Variants in FAM89B observed in about 807,000 individuals in gnomAD.
FAM89B encodes family with sequence similarity 89 member B, also known as leucine repeat adapter protein 25.
A neutral mutation model predicts 13.4 loss-of-function variants in FAM89B; 9 were observed. That is an observed-to-expected ratio of 0.67 (90% CI 0.40 to 1.17). The LOEUF (loss-of-function observed/expected upper bound fraction) is 1.17, where lower values mean the gene tolerates loss of function less well. Among genes scored for constraint, FAM89B ranks in the 50% most tolerant of loss-of-function variants. FAM89B has a pLI of 0.01. For synonymous variants in FAM89B, 138 were observed against 121.2 expected, an observed-to-expected ratio of 1.14 and a Z score of -0.91; for missense variants, 256 against 256.1, an observed-to-expected ratio of 1.00 and a Z score of 0.00.
Position 65,572,752 on chromosome 11 carries a change from G to A in FAM89B, c.83G>A (p.Ser28Asn), listed in dbSNP as rs1857154483. Residue 28 changes from serine (S) to asparagine (N), a missense_variant, in exon 1 of 2, where the codon AGC (serine) becomes AAC (asparagine). Transcript: ENST00000530349. ...CTCCCACCGCTGCCGCGCGGCCTCA[G>A]CGGCCTCCTTAATGCGAGCGGGGGC... is the stretch of plus-strand genomic sequence containing the variant. Reference protein sequence around the residue: ...AGLPPLPRGLSGLLNASGGSW... With the variant: ...AGLPPLPRGLNGLLNASGGSW... The A allele has an allele frequency of 5.9e-6, 7 of 1,180,170 alleles. No homozygotes were observed. Among genetic ancestry groups the A allele is most frequent in the Non-Finnish European group, 7.4e-6 (7 of 951,768 alleles). 73.1% of individuals were successfully genotyped at this position (1,180,170 alleles called of 1,614,324 possible). A position where few individuals can be genotyped will look rare whatever the true frequency, so the allele number is the denominator to read the frequency against.
Position 65,572,768 on chromosome 11 carries a change from G to A in FAM89B, c.99G>A (p.Ala33=), listed in dbSNP as rs993442582. 80 of 1,199,162 alleles carry A rather than the reference G, an allele frequency of 6.7e-5. 4 individuals carry two copies. The African/African-American group carries it at 9.8e-4, about 15-fold the overall frequency. The allele number at this position is 1,199,162 out of a possible 1,614,324, so 74.3% of individuals were successfully genotyped here. The part of the protein sequence containing the change: ...LPRGLSGLLN[A]SGGSWRELER... ...GCGGCCTCAGCGGCCTCCTTAATGC[G>A]AGCGGGGGCTCGTGGCGGGAGCTGG... Residue 33 remains alanine (A), a synonymous_variant, in exon 1 of 2, where the codon GCG becomes GCA. Transcript: ENST00000530349.
chr11:65,572,696 G>A lies in FAM89B; in HGVS notation c.27G>A (p.Ala9=). ...TGAACGGGCTGCCCTCGGCAGAGGC[G>A]CCGGGCGGGGCGGGCTGCGCTTTGG... MNGLPSAE[A]PGGAGCALAG... is the part of the protein sequence containing the mutation. Residue 9 remains alanine, a synonymous_variant, in exon 1 of 2, where the codon GCG becomes GCA. Coordinates refer to ENST00000530349, the MANE Select transcript of FAM89B (RefSeq NM_001098785.2). 1 of 1,157,410 alleles carries A rather than the reference G, an allele frequency of 8.6e-7. No homozygotes were observed. The highest frequency in any genetic ancestry group is 1.1e-6 in the Non-Finnish European group (1 of 940,810). 71.7% of individuals were successfully genotyped at this position (1,157,410 alleles called of 1,614,324 possible).
In FAM89B at chr11:65,572,817, C is replaced by G; in HGVS notation, c.148C>G (p.Arg50Gly). The G allele has an allele frequency of 8.3e-7, 1 of 1,207,056 alleles. No homozygotes were observed. Among genetic ancestry groups the G allele is most frequent in the Non-Finnish European group, 1.0e-6 (1 of 965,302 alleles). 74.8% of individuals were successfully genotyped at this position (1,207,056 alleles called of 1,614,324 possible). A position where few individuals can be genotyped will look rare whatever the true frequency, so the allele number is the denominator to read the frequency against. The change falls in exon 1 of 2, where the codon CGC (arginine) becomes GGC (glycine). Residue 50 changes from arginine to glycine, a missense_variant. Transcript: ENST00000530349. ...GGAGCGCGTCTACAGCCAGCGCAGC[C>G]GCATCCACGACGAGCTGAGCCGCGC... is the stretch of plus-strand genomic sequence containing the variant. ...ELERVYSQRS[R>G]IHDELSRAAR...
chr11:65,573,528 G>T lies in FAM89B; in HGVS notation c.457G>T (p.Asp153Tyr). 6.2e-7 allele frequency: 1 copy of T among 1,614,068 alleles called. No individual in the cohort carries two copies. ...SYPPDAGLSDDEEPPDASLPP... is the reference protein window; with the variant it reads ...SYPPDAGLSDYEEPPDASLPP... ...CCCACCGGATGCGGGCCTGTCTGAC[G>T]ACGAGGAGCCTCCCGATGCCAGCCT... Residue 153 changes from aspartate to tyrosine, a missense_variant, in exon 2 of 2, where the codon GAC becomes TAC. Transcript: ENST00000530349.
At position 65,572,573 on chromosome 11, in the gene FAM89B, C is replaced by G; in HGVS notation, c.-97C>G. ...GCGAGGCCTGCGGGCGGCGGCTGGG[C>G]TCCGGCGGGGCCGCGGGGTGCGGGG... On this transcript the variant is annotated 5_prime_UTR_variant, in exon 1 of 2. Transcript: ENST00000530349. 3 of 1,406,198 alleles carry G rather than the reference C, an allele frequency of 2.1e-6. No individual in the cohort carries two copies. Among genetic ancestry groups the G allele is most frequent in the Non-Finnish European group, 1.9e-6 (2 of 1,072,178 alleles). 87.1% of individuals were successfully genotyped at this position (1,406,198 alleles called of 1,614,324 possible). A position where few individuals can be genotyped will look rare whatever the true frequency, so the allele number is the denominator to read the frequency against.
Position 65,572,742 on chromosome 11 carries a change from CGCGGCCTCA to C in FAM89B, c.82_90del (p.Ser28_Leu30del), listed in dbSNP as rs1857154328. 1 of 1,170,464 alleles carries C rather than the reference CGCGGCCTCA, an allele frequency of 8.5e-7. No homozygotes were observed. Among genetic ancestry groups the C allele is most frequent in the Non-Finnish European group, 1.1e-6 (1 of 947,212 alleles). The allele number at this position is 1,170,464 out of a possible 1,614,324, so 72.5% of individuals were successfully genotyped here. On this transcript the variant is annotated inframe_deletion, in exon 1 of 2. Transcript: ENST00000530349. ...TTTGGCCGGGCTCCCACCGCTGCCG[CGCGGCCTCA>C]GCGGCCTCCTTAATGCGAGCGGGGG...
chr11:65,572,968 G>C lies in FAM89B; in HGVS notation c.291+8G>C, dbSNP rs1857160067. ...GCGCTGCGCAAGGAGATGGTGAGTG[G>C]GTGGGCGCCGGGCCAGCTGGGCGGG... On this transcript the variant is annotated splice_region_variant and intron_variant, in intron 1 of 1. Coordinates refer to ENST00000530349, the MANE Select transcript of FAM89B (RefSeq NM_001098785.2). 1 of 1,224,930 alleles carries C rather than the reference G, an allele frequency of 8.2e-7. No homozygotes were observed. The highest frequency in any genetic ancestry group is 4.3e-5 in the Admixed American group (1 of 23,448). The allele number at this position is 1,224,930 out of a possible 1,614,324, so 75.9% of individuals were successfully genotyped here.
chr11:65,573,006 AGGAACGCAGGGG>A (rs1857160995), intron 1 of FAM89B, 46 bp downstream of exon 1: 1 of 1,221,618 alleles, frequency 8.2e-7, no homozygotes, highest in Non-Finnish European at 1.0e-6. Flanking sequence ...GCTGACGCGG[AGGAACGCAGGGG>A]ACTGGGACAG....
rs1857150667 is a variant in FAM89B at position 65,572,606 on chromosome 11, G to A, written c.-64G>A. ...GGGCCGCGGGGTGCGGGGCCTGCGG[G>A]CGGCGGCCCGGGCGGAGCGTTGGAG... On this transcript the variant is annotated 5_prime_UTR_variant, in exon 1 of 2. Coordinates refer to ENST00000530349, the MANE Select transcript of FAM89B (RefSeq NM_001098785.2). 2 of 1,216,834 alleles carry A rather than the reference G, an allele frequency of 1.6e-6. No homozygotes were observed. Among genetic ancestry groups the A allele is most frequent in the Admixed American group, 4.5e-5 (1 of 22,314 alleles). 75.4% of individuals were successfully genotyped at this position (1,216,834 alleles called of 1,614,324 possible).
At position 65,572,746 on chromosome 11, in the gene FAM89B, G is replaced by A; in HGVS notation, c.77G>A (p.Gly26Asp). 1 of 1,173,018 alleles carries A rather than the reference G, an allele frequency of 8.5e-7. No individual in the cohort carries two copies. Among genetic ancestry groups the A allele is most frequent in the Non-Finnish European group, 1.1e-6 (1 of 948,248 alleles). The allele number at this position is 1,173,018 out of a possible 1,614,324, so 72.7% of individuals were successfully genotyped here. The stretch of plus-strand genomic sequence containing the variant: ...GCCGGGCTCCCACCGCTGCCGCGCG[G>A]CCTCAGCGGCCTCCTTAATGCGAGC... ...ALAGLPPLPR[G>D]LSGLLNASGG... The change falls in exon 1 of 2, where the codon GGC becomes GAC. Residue 26 changes from glycine (G) to aspartate (D), a missense_variant. By Grantham distance (94) the Gly-to-Asp change is moderately conservative. Coordinates refer to ENST00000530349, the MANE Select transcript of FAM89B (RefSeq NM_001098785.2).
intron 1 of FAM89B, 140 bp from the exon 2 acceptor site, chr11:65,573,223 T>C: frequency 9.1e-7 from 1 of 1,098,830 alleles, no homozygotes; most frequent in Non-Finnish European, 1.2e-6. Flanking sequence ...GTTGCATAGC[T>C]TGCAGGTGGT....
Position 65,572,727 on chromosome 11 carries a change from C to T in FAM89B, c.58C>T (p.Leu20Phe). Residue 20 changes from leucine to phenylalanine, a missense_variant, in exon 1 of 2, where the codon CTC (leucine) becomes TTC (phenylalanine). Physicochemically the swap from Leu to Phe is conservative, Grantham distance 22. Transcript: ENST00000530349. The stretch of plus-strand genomic sequence containing the variant: ...CGGGGCGGGCTGCGCTTTGGCCGGG[C>T]TCCCACCGCTGCCGCGCGGCCTCAG... Reference protein sequence around the residue: ...PGGAGCALAGLPPLPRGLSGL... With the variant: ...PGGAGCALAGFPPLPRGLSGL... 1.7e-6 allele frequency: 2 copies of T among 1,165,620 alleles called. No homozygotes were observed. Among genetic ancestry groups the T allele is most frequent in the Middle Eastern group, 7.0e-4 (2 of 2,842 alleles). 72.2% of individuals were successfully genotyped at this position (1,165,620 alleles called of 1,614,324 possible). A position where few individuals can be genotyped will look rare whatever the true frequency, so the allele number is the denominator to read the frequency against.
intron 1 of FAM89B, 64 bp from the exon 2 acceptor site, chr11:65,573,298 CA>C (rs1857164535): frequency 1.4e-6 from 2 of 1,446,226 alleles, no homozygotes; most frequent in Non-Finnish European, 1.8e-6. Context: ...CCCACTATTC[CA>C]GGGGGCGGGG....
chr11:65,573,487 ATT>A lies in FAM89B; in HGVS notation c.417_418del (p.Ser140GlyfsTer12). 6.2e-7 allele frequency: 1 copy of A among 1,614,114 alleles called. No individual in the cohort carries two copies. Among genetic ancestry groups the A allele is most frequent in the Non-Finnish European group, 8.5e-7 (1 of 1,180,000 alleles). The stretch of plus-strand genomic sequence containing the variant: ...TGCCAGGACCTGTCATCCTCCCTCC[ATT>A]CGGACAGCTCCTACCCACCGGATGC... On this transcript the variant is annotated frameshift_variant, in exon 2 of 2. Transcript: ENST00000530349. LOFTEE classifies it high-confidence loss of function.
intron 1 of FAM89B, 145 bp downstream of exon 1, chr11:65,573,105 C>T: frequency 1.2e-6 from 1 of 822,228 alleles, no homozygotes; most frequent in South Asian, 4.4e-5. Flanking sequence ...GTGATAGTTA[C>T]CAATTATGGC....
Position 65,572,594 on chromosome 11 carries a change from C to G in FAM89B, c.-76C>G. 1 of 1,233,738 alleles carries G rather than the reference C, an allele frequency of 8.1e-7. No homozygotes were observed. The highest frequency in any genetic ancestry group is 1.0e-6 in the Non-Finnish European group (1 of 992,350). The allele number at this position is 1,233,738 out of a possible 1,614,324, so 76.4% of individuals were successfully genotyped here. On this transcript the variant is annotated 5_prime_UTR_variant, in exon 1 of 2. Coordinates refer to ENST00000530349, the MANE Select transcript of FAM89B (RefSeq NM_001098785.2). ...TGGGCTCCGGCGGGGCCGCGGGGTG[C>G]GGGGCCTGCGGGCGGCGGCCCGGGC... is the stretch of plus-strand genomic sequence containing the variant.
chr11:65,572,804 C>T lies in FAM89B; in HGVS notation c.135C>T (p.Tyr45=). ...GGSWRELERV[Y]SQRSRIHDEL... is the part of the protein sequence containing the mutation. Reference sequence around the variant, plus strand: ...CGTGGCGGGAGCTGGAGCGCGTCTACAGCCAGCGCAGCCGCATCCACGACG... The same window carrying T: ...CGTGGCGGGAGCTGGAGCGCGTCTATAGCCAGCGCAGCCGCATCCACGACG... Residue 45 remains tyrosine, a synonymous_variant, in exon 1 of 2, where the codon TAC becomes TAT. Coordinates refer to ENST00000530349, the MANE Select transcript of FAM89B (RefSeq NM_001098785.2). 2.5e-6 allele frequency: 3 copies of T among 1,204,734 alleles called. No homozygotes were observed. Among genetic ancestry groups the T allele is most frequent in the Non-Finnish European group, 1.0e-6 (1 of 963,470 alleles). The allele number at this position is 1,204,734 out of a possible 1,614,324, so 74.6% of individuals were successfully genotyped here.
rs900450762 is a variant in FAM89B, at chr11:65,573,824, T to C, written c.*183T>C. On this transcript the variant is annotated 3_prime_UTR_variant, in exon 2 of 2. Transcript: ENST00000530349. ...TCTCCTGTCTTGGGTTGGCTGGCAC[T>C]GGGGCGGGCATCTAGGGTACAGCCT... 1 of 713,668 alleles carries C rather than the reference T, an allele frequency of 1.4e-6. No homozygotes were observed. The highest frequency in any genetic ancestry group is 3.1e-5 in the Admixed American group (1 of 32,594). 44.2% of individuals were successfully genotyped at this position (713,668 alleles called of 1,614,324 possible).
At position 65,573,681 on chromosome 11, in the gene FAM89B, T is replaced by A. The variant is rs1857172605; in HGVS notation, c.*40T>A. The A allele has an allele frequency of 6.5e-7, 1 of 1,545,004 alleles. No homozygotes were observed. Among genetic ancestry groups the A allele is most frequent in the Non-Finnish European group, 8.7e-7 (1 of 1,149,220 alleles). ...GGGGGCATGCACCCATGCAAAAGGC[T>A]CAGAAACTCCCCCTCCGGCAAGCCC... On this transcript the variant is annotated 3_prime_UTR_variant, in exon 2 of 2. Transcript: ENST00000530349.
Sources: gnomAD v4.1 joint callset for allele counts on GRCh38, gnomAD v4.1.1 for gene constraint, MANE v1.5 for transcripts, NCBI Gene and HGNC (gene_info 2026-07-23, HGNC 2026-07-21) for gene names.